Variants in GRIK4 observed in about 807,000 individuals in gnomAD.
GRIK4 encodes the protein glutamate ionotropic receptor kainate type subunit 4, also known as glutamate receptor ionotropic, kainate 4.
In GRIK4, 40 loss-of-function variants were observed where a neutral mutation model predicts 104.9. That is an observed-to-expected ratio of 0.38 (90% confidence interval 0.30 to 0.50). The LOEUF (loss-of-function observed/expected upper bound fraction) is 0.50, where lower values mean the gene tolerates loss of function less well. GRIK4 is among the 20% of genes least tolerant of loss of function. GRIK4 has a pLI of 0.93. For synonymous variants in GRIK4, 485 were observed against 524.9 expected (o/e 0.92, Z 1.04); for missense variants, 1,047 against 1,308.1 (o/e 0.80, Z 3.08).
intron 14 of GRIK4, among the ~76,000 whole-genome samples, chr11:120,945,932 G>A (rs574947951): frequency 6.6e-6 from 1 of 152,358 alleles, no homozygotes; most frequent in East Asian, 1.9e-4. Flanking sequence ...ATACTTCAAG[G>A]ATGGGAGCCA....
intron 3 of GRIK4, among the ~76,000 whole-genome samples, chr11:120,707,421 C>G (rs939068252): frequency 1.3e-5 from 2 of 152,206 alleles, no homozygotes; most frequent in African/African-American, 4.8e-5. Flanking sequence ...CCAGCAGATC[C>G]TGCACATTTG....
chr11:120,831,213 G>A (rs1383904643), intron 6 of GRIK4, among the ~76,000 whole-genome samples: 1 of 152,170 alleles, frequency 6.6e-6, no homozygotes, highest in Non-Finnish European at 1.5e-5. Context: ...CGTTTTACTA[G>A]ATCTGTTTTC....
At chr11:120,722,515 G>A (rs1286826562) in intron 3 of GRIK4, among the ~76,000 whole-genome samples, 3 of 152,108 alleles carry the variant, frequency 2.0e-5, no homozygotes, top group Admixed American at 2.0e-4. Flanking sequence ...GGCTGAGGCA[G>A]GAGAATCACT....
At chr11:120,790,475 G>A (rs1240708574) in intron 3 of GRIK4, among the ~76,000 whole-genome samples, 11 of 152,108 alleles carry the variant, frequency 7.2e-5, no homozygotes, top group Admixed American at 6.5e-5. Context: ...TTGGACATGG[G>A]TTTTAAAAAA....
intron 13 of GRIK4, among the ~76,000 whole-genome samples, chr11:120,922,825 A>T (rs767123316): frequency 3.4e-4 from 52 of 152,272 alleles, no homozygotes; most frequent in Non-Finnish European, 3.4e-4. Context: ...TCCTTATCTT[A>T]TGCAGCCTTC....
At chr11:120,976,515 T>C (rs552953102) in intron 19 of GRIK4, among the ~76,000 whole-genome samples, 5 of 152,218 alleles carry the variant, frequency 3.3e-5, no homozygotes, top group African/African-American at 7.2e-5. Flanking sequence ...ATCGGACTAT[T>C]TGATACACTT....
chr11:120,759,653 G>T (rs1263316028), intron 3 of GRIK4, among the ~76,000 whole-genome samples: 1 of 151,958 alleles, frequency 6.6e-6, no homozygotes, highest in Non-Finnish European at 1.5e-5. Flanking sequence ...GACTTAGTCT[G>T]GGTTCTTAAA....
intron 8 of GRIK4, among the ~76,000 whole-genome samples, chr11:120,845,650 TACACACAC>T (rs146137487): frequency 3.6e-4 from 53 of 146,216 alleles, no homozygotes; most frequent in East Asian, 2.8e-3. Flanking sequence ...TGCACACTTC[TACACACAC>T]ACACACACAC....
At chr11:120,618,925 A>G (rs1052588027) in intron 1 of GRIK4, among the ~76,000 whole-genome samples, 1 of 152,216 alleles carries the variant, frequency 6.6e-6, no homozygotes, top group Non-Finnish European at 1.5e-5. Context: ...GCAAAGGGGA[A>G]GTATGGGGTT....
intron 3 of GRIK4, among the ~76,000 whole-genome samples, chr11:120,714,419 TATTGA>T (rs1393714819): frequency 6.6e-6 from 1 of 152,244 alleles, no homozygotes; most frequent in Non-Finnish European, 1.5e-5. Flanking sequence ...AGCAGTTATT[TATTGA>T]ACACCTACTG....
At chr11:120,544,053 C>T (rs1054749348) in intron 1 of GRIK4, among the ~76,000 whole-genome samples, 4 of 152,220 alleles carry the variant, frequency 2.6e-5, no homozygotes, top group Admixed American at 2.0e-4. Flanking sequence ...TGGCGAGCTG[C>T]GCTGCATAGT....
chr11:120,556,893 G>C (rs1056778019), intron 1 of GRIK4, among the ~76,000 whole-genome samples: 8 of 152,194 alleles, frequency 5.3e-5, no homozygotes, highest in Middle Eastern at 3.4e-3. Context: ...TCATTAGTCA[G>C]TCTCCTTCCC....
intron 8 of GRIK4, among the ~76,000 whole-genome samples, 155 bp downstream of exon 8, chr11:120,836,999 C>A (rs1350854201): frequency 1.3e-5 from 2 of 152,174 alleles, no homozygotes; most frequent in African/African-American, 4.8e-5. Context: ...CCTGGAAATT[C>A]TCATCCCAAT....
intron 3 of GRIK4, among the ~76,000 whole-genome samples, chr11:120,707,926 G>A (rs1314234302): frequency 6.6e-6 from 1 of 152,188 alleles, no homozygotes; most frequent in Non-Finnish European, 1.5e-5. Flanking sequence ...GAACCATGCA[G>A]AAGCTGTTTT....
chr11:120,704,302 C>T (rs1200555732), intron 3 of GRIK4, among the ~76,000 whole-genome samples: 1 of 152,158 alleles, frequency 6.6e-6, no homozygotes, highest in Non-Finnish European at 1.5e-5. Flanking sequence ...TCACTGTTGT[C>T]CTCCATAGCA....
chr11:120,750,317 G>A (rs1026212890), intron 3 of GRIK4, among the ~76,000 whole-genome samples: 1 of 146,712 alleles, frequency 6.8e-6, no homozygotes, highest in African/African-American at 2.5e-5. Context: ...TCCTGCCCTG[G>A]TTATAAAAAA....
intron 13 of GRIK4, among the ~76,000 whole-genome samples, chr11:120,911,607 C>T (rs866452614): frequency 1.8e-4 from 27 of 147,212 alleles, no homozygotes; most frequent in Middle Eastern, 3.5e-3. Flanking sequence ...TTTGGGAGGC[C>T]GAGGCGGGTG....
chr11:120,777,131 C>A (rs1405483579), intron 3 of GRIK4, among the ~76,000 whole-genome samples: 1 of 152,184 alleles, frequency 6.6e-6, no homozygotes, highest in African/African-American at 2.4e-5. Context: ...TCTAAAAACA[C>A]CGACGCGGGT....
chr11:120,644,585 C>T (rs946537921), intron 1 of GRIK4, among the ~76,000 whole-genome samples: 7 of 152,152 alleles, frequency 4.6e-5, no homozygotes, highest in East Asian at 1.9e-4. Context: ...CCTGGAATAT[C>T]GCTGCCTCTT....
Sources: allele counts gnomAD v4.1 joint callset (sites outside exome capture counted in the v4.1 genomes callset), GRCh38; gene constraint gnomAD v4.1.1; transcripts MANE v1.5; gene names NCBI Gene and HGNC (gene_info 2026-07-23, HGNC 2026-07-21).